ZNF93: variants seen among roughly 807,000 people sequenced by gnomAD.
ZNF93 encodes the protein zinc finger protein 93.
Under a neutral mutation model 45.0 loss-of-function variants are expected in ZNF93, and 29 were observed. That is an observed-to-expected ratio of 0.64 (90% confidence interval 0.48 to 0.88). The LOEUF (loss-of-function observed/expected upper bound fraction) is 0.88. Among genes scored for constraint, ZNF93 ranks in the 40% least tolerant of loss-of-function variants. The pLI is 0.00. For missense variants in ZNF93, 578 were observed against 724.0 expected (o/e 0.80, Z 2.31); for synonymous variants, 223 against 244.6 (o/e 0.91, Z 0.82).
intron 3 of ZNF93, among the ~76,000 whole-genome samples, chr19:19,931,449 C>G (rs1303926647): frequency 6.6e-6 from 1 of 152,128 alleles, no homozygotes; most frequent in African/African-American, 2.4e-5. Context: ...CCTCAGCCTC[C>G]CAAAGTGTTG....
chr19:19,908,569 G>T (rs1017276897), intron 1 of ZNF93: 1 of 151,916 alleles, frequency 6.6e-6, no homozygotes, highest in Admixed American at 6.6e-5. Flanking sequence ...CTGGCCGGGC[G>T]CAGTGGCTCA....
intron 3 of ZNF93, among the ~76,000 whole-genome samples, chr19:19,918,230 T>A (rs2063330765): frequency 1.3e-5 from 2 of 152,260 alleles, no homozygotes; most frequent in South Asian, 4.2e-4. Flanking sequence ...GATAGTTTGC[T>A]GAGAATGATG....
At chr19:19,904,537 T>G (rs1225913046) in intron 1 of ZNF93, among the ~76,000 whole-genome samples, 3 of 152,156 alleles carry the variant, frequency 2.0e-5, no homozygotes, top group African/African-American at 7.2e-5. Context: ...GTGAGGACAA[T>G]GTTGTGGAAC....
At chr19:19,915,003 A>G (rs1207175777) in intron 1 of ZNF93, among the ~76,000 whole-genome samples, 3 of 152,232 alleles carry the variant, frequency 2.0e-5, no homozygotes, top group African/African-American at 7.2e-5. Context: ...TAAATATAGC[A>G]CTCAAAAATG....
At chr19:19,932,058 G>A (rs752223406) in intron 3 of ZNF93, 4 of 321,174 alleles carry the variant, frequency 1.2e-5, no homozygotes, top group South Asian at 2.3e-5. Context: ...GGTGGATCCC[G>A]AGGTCAGGAG....
At chr19:19,906,209 CT>C (rs2063292457) in intron 1 of ZNF93, among the ~76,000 whole-genome samples, 1 of 152,096 alleles carries the variant, frequency 6.6e-6, no homozygotes, top group African/African-American at 2.4e-5. Flanking sequence ...TACCTTTTGA[CT>C]TTTTAAAAAT....
intron 1 of ZNF93, among the ~76,000 whole-genome samples, chr19:19,911,676 A>T (rs2063308723): frequency 1.3e-5 from 2 of 152,094 alleles, no homozygotes; most frequent in South Asian, 4.1e-4. Context: ...TGGGCTTTAG[A>T]CCACTTTCTT....
At chr19:19,905,759 A>T (rs1365377830) in intron 1 of ZNF93, among the ~76,000 whole-genome samples, 5 of 145,798 alleles carry the variant, frequency 3.4e-5, no homozygotes, top group African/African-American at 5.0e-5. Context: ...CACCTGGCCA[A>T]TTTTTTTTTT....
intron 1 of ZNF93, among the ~76,000 whole-genome samples, chr19:19,901,817 C>T (rs941260836): frequency 6.6e-6 from 1 of 152,082 alleles, no homozygotes; most frequent in African/African-American, 2.4e-5. Context: ...CCTGGCCCAG[C>T]GCGGTGGCTG....
chr19:19,919,744 G>C (rs1248283917), intron 3 of ZNF93, among the ~76,000 whole-genome samples: 1 of 152,022 alleles, frequency 6.6e-6, no homozygotes, highest in Non-Finnish European at 1.5e-5. Flanking sequence ...TCATGATTTG[G>C]CTCTGTGTTT....
chr19:19,929,990 A>G (rs2063368452), intron 3 of ZNF93, among the ~76,000 whole-genome samples: 2 of 151,842 alleles, frequency 1.3e-5, no homozygotes, highest in Non-Finnish European at 2.9e-5. Flanking sequence ...GACACAAGAC[A>G]AAGAGATAAA....
chr19:19,901,289 C>A (rs2063269902), intron 1 of ZNF93, among the ~76,000 whole-genome samples, 198 bp downstream of exon 1: 1 of 152,190 alleles, frequency 6.6e-6, no homozygotes, highest in Non-Finnish European at 1.5e-5. Context: ...CGTCCTGTCT[C>A]TTCACTGTGC....
intron 3 of ZNF93, among the ~76,000 whole-genome samples, chr19:19,929,843 CAG>C (rs1287115170): frequency 1.3e-4 from 19 of 141,418 alleles, no homozygotes; most frequent in African/African-American, 5.0e-4. Context: ...GAGGCTGAGG[CAG>C]GAGAATGGCG....
chr19:19,922,989 C>T (rs1171315591), intron 3 of ZNF93, among the ~76,000 whole-genome samples: 1 of 152,160 alleles, frequency 6.6e-6, no homozygotes, highest in Admixed American at 6.5e-5. Context: ...GAGCTGTGTT[C>T]CTTTGGAGGG....
chr19:19,901,001 C>A lies in ZNF93; in HGVS notation c.-88C>A. Reference sequence around the variant, plus strand: ...CCTCTTCACTACTCTGTGTCCTGTGCTCCTACAGGCCCAGCCTCTGTGGCC... The same window carrying A: ...CCTCTTCACTACTCTGTGTCCTGTGATCCTACAGGCCCAGCCTCTGTGGCC... On this transcript the variant is annotated 5_prime_UTR_variant, in exon 1 of 4. Transcript: ENST00000343769. 1 of 1,579,406 alleles carries A rather than the reference C, an allele frequency of 6.3e-7. No individual in the cohort carries two copies. The highest frequency in any genetic ancestry group is 2.2e-5 in the East Asian group (1 of 44,576).
intron 1 of ZNF93, among the ~76,000 whole-genome samples, chr19:19,912,915 C>CT (rs1158201397): frequency 6.6e-6 from 1 of 152,164 alleles, no homozygotes; most frequent in Non-Finnish European, 1.5e-5. Flanking sequence ...TGTACATGTT[C>CT]TTTTTAAAAT....
At chr19:19,901,176 C>A in intron 1 of ZNF93, 85 bp downstream of exon 1, 1 of 1,590,882 alleles carries the variant, frequency 6.3e-7, no homozygotes, top group Non-Finnish European at 8.6e-7. Context: ...ACTCAGGTAT[C>A]CCCTTAGTCA....
chr19:19,916,312 G>A (rs561673868), intron 2 of ZNF93, among the ~76,000 whole-genome samples: 3 of 152,024 alleles, frequency 2.0e-5, no homozygotes, highest in African/African-American at 7.2e-5. Context: ...TGATCCGCCC[G>A]CCTTGGCCTC....
chr19:19,901,500 C>G (rs117675947), intron 1 of ZNF93, among the ~76,000 whole-genome samples: 8,032 of 152,172 alleles, frequency 0.053, 408 homozygotes, highest in East Asian at 0.17. Flanking sequence ...TGGGGCTGGG[C>G]AAGGTGGCTC....
Sources: allele counts gnomAD v4.1 joint callset (sites outside exome capture counted in the v4.1 genomes callset), GRCh38; gene constraint gnomAD v4.1.1; transcripts MANE v1.5; gene names NCBI Gene and HGNC (gene_info 2026-07-23, HGNC 2026-07-21).